ST6GALNAC3: variants seen among roughly 807,000 people sequenced by gnomAD.
The protein encoded by ST6GALNAC3 is ST6 N-acetylgalactosaminide alpha-2,6-sialyltransferase 3, also known as alpha-N-acetylgalactosaminide alpha-2,6-sialyltransferase 3.
Under a neutral mutation model 32.7 loss-of-function variants are expected in ST6GALNAC3, and 25 were observed. The ratio of observed to expected loss-of-function variants is 0.76; its 90% confidence interval spans 0.56 to 1.07. ST6GALNAC3 has a LOEUF of 1.07. ST6GALNAC3 is among the 50% of genes least tolerant of loss of function. The pLI is 0.00. For synonymous variants in ST6GALNAC3, 129 were observed against 133.1 expected, an observed-to-expected ratio of 0.97 and a Z score of 0.21; for missense variants, 355 against 382.4, an observed-to-expected ratio of 0.93 and a Z score of 0.60.
chr1:76,413,740 A>G (rs998952377), intron 3 of ST6GALNAC3, among the ~76,000 whole-genome samples: 1 of 152,174 alleles, frequency 6.6e-6, no homozygotes, highest in African/African-American at 2.4e-5. Context: ...GAATCAATGT[A>G]GCATAAACTG....
rs1008354686 is a variant in ST6GALNAC3, at chr1:76,183,665, C to G, written c.18+108781C>G. 2.6e-5 allele frequency among the ~76,000 whole-genome samples: 4 copies of G among 151,594 alleles called. No homozygotes were observed. The East Asian group carries it at 7.7e-4, about 29-fold the overall frequency. ...AGGCTATATGTTATAGCCTATGACCCCTAGGCTACAAACCTGTACAACATG... is the reference window on the plus strand; with the variant it reads ...AGGCTATATGTTATAGCCTATGACCGCTAGGCTACAAACCTGTACAACATG... On this transcript the variant is annotated intron_variant, in intron 1 of 4. Transcript: ENST00000328299.
chr1:76,591,307 C>A (rs984996534), intron 3 of ST6GALNAC3, among the ~76,000 whole-genome samples: 1 of 152,052 alleles, frequency 6.6e-6, no homozygotes, highest in South Asian at 2.1e-4. Flanking sequence ...CTGAGGCAAC[C>A]ACTGTTAGCC....
intron 1 of ST6GALNAC3, among the ~76,000 whole-genome samples, chr1:76,231,647 C>G (rs995351759): frequency 2.6e-5 from 4 of 152,182 alleles, no homozygotes; most frequent in Admixed American, 6.5e-5. Flanking sequence ...CAAGTTTTAT[C>G]CATGTTGTAG....
At chr1:76,327,876 C>T (rs545234698) in intron 2 of ST6GALNAC3, among the ~76,000 whole-genome samples, 2 of 152,248 alleles carry the variant, frequency 1.3e-5, no homozygotes, top group East Asian at 3.9e-4. Context: ...AGGCGTGAAC[C>T]CCCATGCCTG....
chr1:76,357,274 A>G (rs1257378895), intron 2 of ST6GALNAC3, among the ~76,000 whole-genome samples: 2 of 151,952 alleles, frequency 1.3e-5, no homozygotes, highest in Non-Finnish European at 2.9e-5. Flanking sequence ...ATCTGGATTT[A>G]CAGGCATACA....
rs1293065503 is a variant in ST6GALNAC3, at chr1:76,589,225, CCTT to C, written c.624-38226_624-38224del. Among the ~76,000 whole-genome samples the C allele has an allele frequency of 9.2e-5, 14 of 152,112 alleles. 1 individual carries two copies. The highest frequency in any genetic ancestry group is 8.5e-4 in the Admixed American group (13 of 15,256). On this transcript the variant is annotated intron_variant, in intron 3 of 4. Coordinates refer to ENST00000328299, the MANE Select transcript of ST6GALNAC3 (RefSeq NM_152996.4). ...TATTTCATGCCATTTGCAAATATCT[CCTT>C]ATTTGTTATTCTGGGGAGTTTTCAT...
In ST6GALNAC3 at chr1:76,286,950, A is replaced by T. The variant is rs548425149; in HGVS notation, c.19-26855A>T. 2.2e-4 allele frequency among the ~76,000 whole-genome samples: 33 copies of T among 152,380 alleles called. 1 individual carries two copies. The South Asian group carries it at 4.6e-3, about 21-fold the overall frequency. ...ACACCATTTAAAATGCCCTACAAGA[A>T]GTCACAGTGAAATGAAATAATTTAC... is the stretch of plus-strand genomic sequence containing the variant. On this transcript the variant is annotated intron_variant, in intron 1 of 4. Transcript: ENST00000328299.
intron 1 of ST6GALNAC3, among the ~76,000 whole-genome samples, chr1:76,161,104 C>T (rs1651773856): frequency 6.6e-6 from 1 of 152,162 alleles, no homozygotes; most frequent in South Asian, 2.1e-4. Flanking sequence ...TTGCTACTCT[C>T]CAGCATTGTT....
At chr1:76,158,164 C>T (rs1203401109) in intron 1 of ST6GALNAC3, among the ~76,000 whole-genome samples, 1 of 152,250 alleles carries the variant, frequency 6.6e-6, no homozygotes, top group African/African-American at 2.4e-5. Context: ...TGTGAGTCAG[C>T]CTCTGCAGCC....
intron 2 of ST6GALNAC3, among the ~76,000 whole-genome samples, chr1:76,338,344 C>T (rs958508555): frequency 6.6e-6 from 1 of 152,160 alleles, no homozygotes; most frequent in Non-Finnish European, 1.5e-5. Flanking sequence ...GATGGGGAAG[C>T]ACTTTATGCT....
At chr1:76,636,201 G>A (rs1259587812), downstream of ST6GALNAC3, among the ~76,000 whole-genome samples, 1 of 152,148 alleles carries the variant, frequency 6.6e-6, no homozygotes, top group African/African-American at 2.4e-5. Context: ...GCCCAAGGAA[G>A]CAAGAGAGAA....
At chr1:76,511,431 A>G (rs1661854343) in intron 3 of ST6GALNAC3, among the ~76,000 whole-genome samples, 1 of 151,032 alleles carries the variant, frequency 6.6e-6, no homozygotes. Context: ...ACCTTCCCCC[A>G]CTCACTAACT....
At chr1:76,420,927 T>C (rs1294524794) in intron 3 of ST6GALNAC3, among the ~76,000 whole-genome samples, 4 of 152,084 alleles carry the variant, frequency 2.6e-5, no homozygotes, top group African/African-American at 4.8e-5. Context: ...TTCCTTGTTA[T>C]AGAAATAATA....
intron 3 of ST6GALNAC3, among the ~76,000 whole-genome samples, chr1:76,414,329 C>T (rs1386270258): frequency 6.6e-6 from 1 of 152,058 alleles, no homozygotes; most frequent in Non-Finnish European, 1.5e-5. Flanking sequence ...CTATTTCTGT[C>T]TGGTTGCTTC....
chr1:76,137,771 CACTT>C (rs1285616644), intron 1 of ST6GALNAC3, among the ~76,000 whole-genome samples: 2 of 152,146 alleles, frequency 1.3e-5, no homozygotes, highest in Non-Finnish European at 2.9e-5. Flanking sequence ...GAGATTCTAT[CACTT>C]ACCCAAAGCC....
chr1:76,367,566 T>A (rs1405074512), intron 2 of ST6GALNAC3, among the ~76,000 whole-genome samples: 10 of 152,118 alleles, frequency 6.6e-5, no homozygotes, highest in African/African-American at 2.4e-4. Context: ...TTATTTTTAT[T>A]ATAAACCCAC....
chr1:76,192,156 T>C (rs1653934677), intron 1 of ST6GALNAC3, among the ~76,000 whole-genome samples: 1 of 152,188 alleles, frequency 6.6e-6, no homozygotes, highest in South Asian at 2.1e-4. Flanking sequence ...TTAAAGAAAC[T>C]AATATAATAC....
At chr1:76,607,830 C>A (rs1647662978) in intron 3 of ST6GALNAC3, among the ~76,000 whole-genome samples, 2 of 152,142 alleles carry the variant, frequency 1.3e-5, no homozygotes, top group African/African-American at 4.8e-5. Flanking sequence ...CGCTACACAG[C>A]CATAATCTGC....
intron 1 of ST6GALNAC3, among the ~76,000 whole-genome samples, chr1:76,090,876 G>A (rs1245445465): frequency 3.9e-5 from 6 of 152,192 alleles, no homozygotes; most frequent in East Asian, 1.9e-4. Context: ...AAAACTAAAC[G>A]TAATGGAGCC....
Sources: gnomAD v4.1 joint callset for allele counts (sites outside exome capture counted in the v4.1 genomes callset) on GRCh38, gnomAD v4.1.1 for gene constraint, MANE v1.5 for transcripts, NCBI Gene and HGNC (gene_info 2026-07-23, HGNC 2026-07-21) for gene names.